PCDH15: variants seen among roughly 807,000 people sequenced by gnomAD.
PCDH15 encodes protocadherin-15.
In PCDH15, 129 loss-of-function variants were observed where a neutral mutation model predicts 178.5. That is an observed-to-expected ratio of 0.72 (90% CI 0.63 to 0.84). The LOEUF is 0.84. Ranked by LOEUF, PCDH15 falls within the 40% of genes least tolerant of loss-of-function variation. The pLI, the probability that PCDH15 is intolerant of heterozygous loss-of-function variation, is 0.00. For missense variants in PCDH15, 2,230 were observed against 2,099.9 expected (o/e 1.06, Z -1.21); for synonymous variants, 800 against 732.0 (o/e 1.09, Z -1.50).
chr10:55,612,396 T>A (rs1282388026), intron 2 of PCDH15, among the ~76,000 whole-genome samples: 1 of 152,088 alleles, frequency 6.6e-6, no homozygotes, highest in Non-Finnish European at 1.5e-5. Context: ...AAGTGTTTCC[T>A]GAAAATTAAA....
chr10:54,514,341 A>AG (rs2081997874), intron 3 of PCDH15, among the ~76,000 whole-genome samples: 1 of 152,240 alleles, frequency 6.6e-6, no homozygotes, highest in East Asian at 1.9e-4. Context: ...CTTGCCAACA[A>AG]TAATAAAGAC....
In PCDH15 at chr10:54,527,930, T is replaced by C. The variant is rs1440466576; in HGVS notation, c.92-53A>G. The C allele has an allele frequency of 2.9e-6, 4 of 1,397,614 alleles. No homozygotes were observed. In the African/African-American group the frequency reaches 5.7e-5, roughly 20 times the overall value. The allele number at this position is 1,397,614 out of a possible 1,614,324, so 86.6% of individuals were successfully genotyped here. ...TAATTGACTGCAGGGGCACACACAATGAGAAAAAAATTCATTGAGATGTAT... is the reference window on the plus strand; with the variant it reads ...TAATTGACTGCAGGGGCACACACAACGAGAAAAAAATTCATTGAGATGTAT... On this transcript the variant is annotated intron_variant, in intron 2 of 37. Coordinates refer to ENST00000644397, the MANE Select transcript of PCDH15 (RefSeq NM_001384140.1).
chr10:55,593,982 A>G (rs920728975), intron 2 of PCDH15, among the ~76,000 whole-genome samples: 15 of 152,036 alleles, frequency 9.9e-5, no homozygotes, highest in African/African-American at 3.1e-4. Flanking sequence ...TAGATGTCAG[A>G]CATGAGGACT....
intron 3 of PCDH15, among the ~76,000 whole-genome samples, chr10:54,434,565 T>C (rs1445532774): frequency 3.3e-5 from 5 of 152,234 alleles, no homozygotes; most frequent in Non-Finnish European, 7.3e-5. Context: ...AGCTATACCA[T>C]ATAGCAGAGG....
At chr10:55,216,775 G>GTGAC (rs1434522461) in intron 1 of PCDH15, among the ~76,000 whole-genome samples, 2 of 151,798 alleles carry the variant, frequency 1.3e-5, no homozygotes, top group African/African-American at 4.8e-5. Flanking sequence ...TTTTTCCTAT[G>GTGAC]TGACTAAGAC....
intron 28 of PCDH15, among the ~76,000 whole-genome samples, chr10:53,855,269 A>G (rs1404490619): frequency 6.6e-6 from 1 of 152,080 alleles, no homozygotes; most frequent in Non-Finnish European, 1.5e-5. Flanking sequence ...GAAGCTGGGT[A>G]TCATTTCTTA....
At chr10:55,081,074 T>C (rs1001096608) in intron 2 of PCDH15, among the ~76,000 whole-genome samples, 2 of 152,248 alleles carry the variant, frequency 1.3e-5, no homozygotes, top group Non-Finnish European at 1.5e-5. Flanking sequence ...AGTATTCATG[T>C]GCACAGAGGA....
At chr10:54,578,698 A>AT (rs2090748838) in intron 2 of PCDH15, among the ~76,000 whole-genome samples, 1 of 152,066 alleles carries the variant, frequency 6.6e-6, no homozygotes, top group African/African-American at 2.4e-5. Flanking sequence ...AATCTCACCC[A>AT]TTTTTTAGTC....
intron 25 of PCDH15, among the ~76,000 whole-genome samples, chr10:53,928,020 C>T (rs1031853204): frequency 1.1e-4 from 17 of 151,954 alleles, no homozygotes; most frequent in Admixed American, 9.2e-4. Flanking sequence ...CAAGCAAAGA[C>T]ATTTAGGTAT....
chr10:54,927,787 G>T (rs565936111), intron 2 of PCDH15, among the ~76,000 whole-genome samples: 155 of 152,008 alleles, frequency 1.0e-3, no homozygotes, highest in African/African-American at 3.5e-3. Flanking sequence ...CCATTTGCTT[G>T]GTAGATATTT....
chr10:55,459,227 G>A (rs1839617921), intron 2 of PCDH15, among the ~76,000 whole-genome samples: 1 of 25,160 alleles, frequency 4.0e-5, no homozygotes, highest in African/African-American at 6.2e-4. Context: ...GAGTGTCCTT[G>A]GAGGCAAAAA....
chr10:54,782,822 A>G (rs1431708227), intron 1 of PCDH15, among the ~76,000 whole-genome samples: 1 of 152,058 alleles, frequency 6.6e-6, no homozygotes, highest in East Asian at 1.9e-4. Context: ...CACAGTCTCT[A>G]CAAACAACTG....
chr10:54,121,996 GACACATACAC>G (rs1244099178), intron 15 of PCDH15, among the ~76,000 whole-genome samples: 1 of 95,854 alleles, frequency 1.0e-5, no homozygotes, highest in South Asian at 3.4e-4. Flanking sequence ...ACCGGGCAAA[GACACATACAC>G]ACACACACAC....
chr10:54,093,699 G>A (rs922053065), intron 15 of PCDH15, among the ~76,000 whole-genome samples: 2 of 151,964 alleles, frequency 1.3e-5, no homozygotes, highest in Non-Finnish European at 2.9e-5. Context: ...TGCATGTCTT[G>A]TCTCATTTAA....
chr10:55,342,596 C>A (rs1026063562), intron 2 of PCDH15, among the ~76,000 whole-genome samples: 1 of 152,080 alleles, frequency 6.6e-6, no homozygotes, highest in African/African-American at 2.4e-5. Flanking sequence ...AGATGTGAAT[C>A]ATTGTGCCTG....
chr10:55,067,565 T>G (rs1235781028), intron 2 of PCDH15, among the ~76,000 whole-genome samples: 1 of 152,034 alleles, frequency 6.6e-6, no homozygotes, highest in Non-Finnish European at 1.5e-5. Flanking sequence ...CTCTTTGGTA[T>G]ATTGATTTAT....
At chr10:53,817,736 GAGT>G (rs2076116804) in intron 34 of PCDH15, among the ~76,000 whole-genome samples, 1 of 151,876 alleles carries the variant, frequency 6.6e-6, no homozygotes, top group Non-Finnish European at 1.5e-5. Flanking sequence ...TCAGAATACT[GAGT>G]AATAGTAATG....
intron 18 of PCDH15, among the ~76,000 whole-genome samples, chr10:54,037,846 G>A (rs1431790996): frequency 6.6e-6 from 1 of 152,026 alleles, no homozygotes; most frequent in Non-Finnish European, 1.5e-5. Context: ...AATGGAGACT[G>A]AAGTTACGTC....
chr10:54,938,910 TG>T (rs2131860975), intron 2 of PCDH15, among the ~76,000 whole-genome samples: 1 of 152,292 alleles, frequency 6.6e-6, no homozygotes, highest in Non-Finnish European at 1.5e-5. Flanking sequence ...CAAAGGATTG[TG>T]GCTAGCATCT....
Sources: allele counts gnomAD v4.1 joint callset (sites outside exome capture counted in the v4.1 genomes callset), GRCh38; gene constraint gnomAD v4.1.1; transcripts MANE v1.5; gene names NCBI Gene and HGNC (gene_info 2026-07-23, HGNC 2026-07-21).